Variants in SLC16A9 observed in about 807,000 individuals in gnomAD.
SLC16A9 encodes the protein solute carrier family 16 member 9, also known as monocarboxylate transporter 9.
A neutral mutation model predicts 44.3 loss-of-function variants in SLC16A9; 26 were observed. The observed-to-expected ratio is 0.59, with a 90% CI of 0.43 to 0.81. The LOEUF (loss-of-function observed/expected upper bound fraction) is 0.81. SLC16A9 is among the 40% of genes least tolerant of loss of function. The pLI is 0.00. For missense variants in SLC16A9, 559 were observed against 595.8 expected (o/e 0.94, Z 0.64); for synonymous variants, 230 against 225.1 (o/e 1.02, Z -0.19).
At chr10:59,653,591 T>A in intron 5 of SLC16A9, 84 bp downstream of exon 5, 2 of 1,137,216 alleles carry the variant, frequency 1.8e-6, no homozygotes, top group Non-Finnish European at 2.5e-6. Flanking sequence ...AAATCTGTGC[T>A]ACTATTACAA....
chr10:59,678,540 C>CTTTTTATT, intron 2 of SLC16A9, among the ~76,000 whole-genome samples: 1 of 22,342 alleles, frequency 4.5e-5, no homozygotes, highest in South Asian at 3.0e-3. Flanking sequence ...TTTTCTTTTT[C>CTTTTTATT]TTTTTCTTTT....
intron 4 of SLC16A9, 22 bp downstream of exon 4, chr10:59,664,205 T>C (rs368170868): frequency 5.5e-5 from 86 of 1,553,480 alleles, no homozygotes; most frequent in Non-Finnish European, 7.4e-5. Flanking sequence ...GTGACAATAC[T>C]GTACTCATTT....
At chr10:59,668,944 G>C (rs1254424299) in intron 3 of SLC16A9, among the ~76,000 whole-genome samples, 1 of 151,982 alleles carries the variant, frequency 6.6e-6, no homozygotes. Context: ...ATCTCATTTG[G>C]CAGAATTACA....
At chr10:59,688,858 A>G (rs1039996962) in intron 1 of SLC16A9, among the ~76,000 whole-genome samples, 1 of 151,826 alleles carries the variant, frequency 6.6e-6, no homozygotes, top group Non-Finnish European at 1.5e-5. Context: ...TAAAGCCAGT[A>G]TTCCTGGGAG....
At chr10:59,697,976 A>AAAAC (rs1554874651) in intron 1 of SLC16A9, among the ~76,000 whole-genome samples, 1 of 150,210 alleles carries the variant, frequency 6.7e-6, no homozygotes, top group Non-Finnish European at 1.5e-5. Flanking sequence ...AAAAAAAACA[A>AAAAC]AAAACAAAAC....
At chr10:59,684,421 A>G (rs1840089332) in intron 1 of SLC16A9, 94 bp from the exon 2 acceptor site, 3 of 563,266 alleles carry the variant, frequency 5.3e-6, no homozygotes, top group East Asian at 3.0e-5. Flanking sequence ...GTGAAAAAAA[A>G]AAAAGGTTCT....
intron 4 of SLC16A9, among the ~76,000 whole-genome samples, 156 bp from the exon 5 acceptor site, chr10:59,654,745 T>C (rs1355060230): frequency 6.6e-6 from 1 of 152,170 alleles, no homozygotes; most frequent in Non-Finnish European, 1.5e-5. Context: ...ATAATAACAA[T>C]AATATAGTAA....
rs373521489 is a variant in SLC16A9, at chr10:59,653,552, G to A, written c.1351+123C>T. 6.9e-6 allele frequency: 5 copies of A among 729,012 alleles called. No homozygotes were observed. The South Asian group carries it at 9.9e-5, about 14-fold the overall frequency. 45.2% of individuals were successfully genotyped at this position (729,012 alleles called of 1,614,324 possible). On this transcript the variant is annotated intron_variant, in intron 5 of 5. Coordinates refer to ENST00000395348, the MANE Select transcript of SLC16A9 (RefSeq NM_194298.3). ...GCAGTCTTGAATAAATCATTACCAT[G>A]AGATGTTCCATGCAGATTTCTTTTG...
chr10:59,703,618 A>C (rs917269964), intron 1 of SLC16A9, among the ~76,000 whole-genome samples: 1 of 152,170 alleles, frequency 6.6e-6, no homozygotes, highest in Non-Finnish European at 1.5e-5. Flanking sequence ...GGCACCACTC[A>C]GGCCAAATCT....
chr10:59,695,864 C>T (rs1029871724), intron 1 of SLC16A9, among the ~76,000 whole-genome samples: 32 of 152,144 alleles, frequency 2.1e-4, no homozygotes, highest in African/African-American at 7.0e-4. Context: ...AAGGAGATAA[C>T]AGAAAACTAT....
chr10:59,680,527 T>G (rs984422601), intron 2 of SLC16A9, among the ~76,000 whole-genome samples: 1 of 152,224 alleles, frequency 6.6e-6, no homozygotes, highest in African/African-American at 2.4e-5. Context: ...GCATGAGTAG[T>G]GCCACACACA....
intron 1 of SLC16A9, among the ~76,000 whole-genome samples, chr10:59,697,143 G>A (rs1431103170): frequency 2.3e-5 from 3 of 128,904 alleles, no homozygotes; most frequent in South Asian, 3.0e-4. Context: ...CAGCCACCCC[G>A]TCCGGGAGGT....
At chr10:59,694,132 G>T (rs1273685803) in intron 1 of SLC16A9, among the ~76,000 whole-genome samples, 3 of 151,030 alleles carry the variant, frequency 2.0e-5, no homozygotes, top group African/African-American at 7.3e-5. Flanking sequence ...GTAGAGACGG[G>T]GTTTCACCGT....
chr10:59,652,902 C>T lies in SLC16A9; in HGVS notation c.1400G>A (p.Ser467Asn). The change falls in exon 6 of 6, where the codon AGT (serine) becomes AAT (asparagine). Residue 467 changes from serine to asparagine, a missense_variant. By Grantham distance (46) the Ser-to-Asn change is conservative. Coordinates refer to ENST00000395348, the MANE Select transcript of SLC16A9 (RefSeq NM_194298.3). Reference protein sequence around the residue: ...TQTYDIAFYFSGFCVLLGGFI... With the variant: ...TQTYDIAFYFNGFCVLLGGFI... ...ACCTCCCAGCAGGACGCAGAAGCCACTAAAATAAAATGCAATATCATAGGT... is the reference window on the plus strand; with the variant it reads ...ACCTCCCAGCAGGACGCAGAAGCCATTAAAATAAAATGCAATATCATAGGT... 6.2e-7 allele frequency: 1 copy of T among 1,613,316 alleles called. No individual in the cohort carries two copies. The highest frequency in any genetic ancestry group is 2.2e-5 in the East Asian group (1 of 44,808).
At position 59,653,939 on chromosome 10, in the gene SLC16A9, G is replaced by A; in HGVS notation, c.1087C>T (p.Leu363=). 1 of 1,614,052 alleles carries A rather than the reference G, an allele frequency of 6.2e-7. No homozygotes were observed. The highest frequency in any genetic ancestry group is 8.5e-7 in the Non-Finnish European group (1 of 1,180,030). The part of the protein sequence containing the change: ...TAVGKLLLGI[L]ADFKWINTLY... Reference sequence around the variant, plus strand: ...GTATTAATCCACTTGAAGTCAGCCAGTATCCCTAAAAGCAGTTTACCAACT... The same window carrying A: ...GTATTAATCCACTTGAAGTCAGCCAATATCCCTAAAAGCAGTTTACCAACT... The change falls in exon 5 of 6, where the codon CTG becomes TTG. Residue 363 remains leucine (L), a synonymous_variant. Transcript: ENST00000395348.
chr10:59,659,399 T>C (rs1386601826), intron 4 of SLC16A9, among the ~76,000 whole-genome samples: 1 of 151,756 alleles, frequency 6.6e-6, no homozygotes, highest in Admixed American at 6.6e-5. Flanking sequence ...GAAACAAAGA[T>C]CAAAAAAGAC....
At chr10:59,680,955 C>T (rs1202685771) in intron 2 of SLC16A9, among the ~76,000 whole-genome samples, 4 of 150,526 alleles carry the variant, frequency 2.7e-5, no homozygotes, top group Non-Finnish European at 5.9e-5. Context: ...TGCACTCCAG[C>T]ATGGGTGACA....
At chr10:59,685,272 C>A (rs1386659369) in intron 1 of SLC16A9, among the ~76,000 whole-genome samples, 3 of 152,048 alleles carry the variant, frequency 2.0e-5, no homozygotes, top group Admixed American at 2.0e-4. Flanking sequence ...TGTATGCTTG[C>A]TTATTTATTT....
intron 3 of SLC16A9, among the ~76,000 whole-genome samples, chr10:59,671,951 G>T (rs995332816): frequency 1.3e-5 from 2 of 152,106 alleles, no homozygotes; most frequent in Non-Finnish European, 2.9e-5. Flanking sequence ...AATATTAGTT[G>T]CTACATTTTC....
Sources: gnomAD v4.1 joint callset for allele counts (sites outside exome capture counted in the v4.1 genomes callset) on GRCh38, gnomAD v4.1.1 for gene constraint, MANE v1.5 for transcripts, NCBI Gene and HGNC (gene_info 2026-07-23, HGNC 2026-07-21) for gene names.